FAM120C: variants seen among roughly 807,000 people sequenced by gnomAD.
The protein encoded by FAM120C is family with sequence similarity 120 member C.
FAM120C carries 14 observed loss-of-function variants against 71.2 expected under a neutral mutation model. The ratio of observed to expected loss-of-function variants is 0.20; its 90% CI spans 0.13 to 0.31. FAM120C has a LOEUF of 0.31. FAM120C is among the 10% of genes least tolerant of loss of function. FAM120C has a pLI of 1.00. For missense variants in FAM120C, 500 were observed against 879.0 expected, an observed-to-expected ratio of 0.57 and a Z score of 5.45; for synonymous variants, 354 against 353.2, an observed-to-expected ratio of 1.00 and a Z score of -0.03.
chrX:54,169,718 C>T (rs1227416482), intron 1 of FAM120C, among the ~76,000 whole-genome samples: 2 of 111,572 alleles, frequency 1.8e-5, no homozygotes, highest in Admixed American at 9.6e-5. Flanking sequence ...TAAGAAGATT[C>T]GAGGGCGGGA....
chrX:54,171,989 A>G (rs1557135998), intron 1 of FAM120C: 2 of 112,678 alleles, frequency 1.8e-5, no homozygotes, highest in African/African-American at 3.2e-5. Flanking sequence ...GTGGGAATGT[A>G]ATTCAGGCCA....
chrX:54,132,566 T>A (rs1428385404), intron 9 of FAM120C, 126 bp downstream of exon 9: 1 of 471,267 alleles, frequency 2.1e-6, no homozygotes, highest in Non-Finnish European at 3.5e-6. Context: ...AGTATCAGTA[T>A]GCATTTTGTT....
At chrX:54,141,956 AAAG>A (rs1375475663) in intron 4 of FAM120C, among the ~76,000 whole-genome samples, 9 of 112,248 alleles carry the variant, frequency 8.0e-5, no homozygotes, top group Non-Finnish European at 1.7e-4. Context: ...GAAAAAAATC[AAAG>A]AAGACCTAAA....
chrX:54,135,198 TGC>T, intron 6 of FAM120C, 87 bp from the exon 7 acceptor site: 1 of 904,660 alleles, frequency 1.1e-6, no homozygotes, highest in Non-Finnish European at 1.5e-6. Context: ...CAGTGGATGA[TGC>T]CAGCAGTGGA....
At chrX:54,091,812 A>G (rs2066825724) in intron 10 of FAM120C, among the ~76,000 whole-genome samples, 1 of 111,770 alleles carries the variant, frequency 8.9e-6, no homozygotes. Flanking sequence ...AGGTTGAGCG[A>G]AGAGTATGAT....
intron 15 of FAM120C, among the ~76,000 whole-genome samples, chrX:54,074,481 C>T (rs781962284): frequency 2.1e-4 from 24 of 112,685 alleles, no homozygotes; most frequent in African/African-American, 5.5e-4. Flanking sequence ...TGCAATGGCA[C>T]GAACTCGGCT....
At chrX:54,141,108 A>G (rs2067124162) in intron 4 of FAM120C, among the ~76,000 whole-genome samples, 1 of 111,526 alleles carries the variant, frequency 9.0e-6, no homozygotes, top group Non-Finnish European at 1.9e-5. Context: ...AAGAAATAAC[A>G]CCAATTCTAC....
At chrX:54,179,205 T>C (rs2146655363) in intron 1 of FAM120C, among the ~76,000 whole-genome samples, 1 of 112,352 alleles carries the variant, frequency 8.9e-6, no homozygotes. Flanking sequence ...CAATACACAC[T>C]GGATCTTTTC....
chrX:54,129,126 G>A (rs1311910037), intron 9 of FAM120C, among the ~76,000 whole-genome samples: 10 of 106,372 alleles, frequency 9.4e-5, no homozygotes, highest in African/African-American at 2.7e-4. Context: ...CCTCCCGGAC[G>A]GGGCGGCCGG....
At chrX:54,154,558 G>T (rs1460380231) in intron 3 of FAM120C, among the ~76,000 whole-genome samples, 2 of 103,643 alleles carry the variant, frequency 1.9e-5, no homozygotes, top group Non-Finnish European at 3.9e-5. Context: ...AGTGAGCTGA[G>T]ACTGTGCCAC....
chrX:54,106,090 C>A (rs1273176809), intron 10 of FAM120C, among the ~76,000 whole-genome samples: 9 of 111,544 alleles, frequency 8.1e-5, no homozygotes, highest in Non-Finnish European at 1.7e-4. Flanking sequence ...AAAAAGGAGC[C>A]CTCATAGCCA....
chrX:54,159,660 T>G (rs1557134154), intron 1 of FAM120C, 44 bp from the exon 2 acceptor site: 1 of 1,194,517 alleles, frequency 8.4e-7, no homozygotes, highest in Non-Finnish European at 1.1e-6. Flanking sequence ...GAACCTGATT[T>G]GTATTGTTAG....
At chrX:54,079,811 C>G (rs1489894270) in intron 15 of FAM120C, among the ~76,000 whole-genome samples, 2 of 110,211 alleles carry the variant, frequency 1.8e-5, no homozygotes, top group East Asian at 5.7e-4. Context: ...AAAAAAAAAG[C>G]AGAATGGTAA....
At chrX:54,170,447 T>C (rs1349881940) in intron 1 of FAM120C, among the ~76,000 whole-genome samples, 1 of 111,961 alleles carries the variant, frequency 8.9e-6, no homozygotes, top group African/African-American at 3.2e-5. Context: ...TTTAGTACTC[T>C]TAATTACTCT....
At chrX:54,106,503 A>G (rs2066907624) in intron 10 of FAM120C, among the ~76,000 whole-genome samples, 2 of 112,058 alleles carry the variant, frequency 1.8e-5, no homozygotes, top group South Asian at 7.3e-4. Flanking sequence ...GGCATGGGCA[A>G]GACTTCATGA....
At position 54,157,782 on chromosome X, in the gene FAM120C, C is replaced by T; in HGVS notation, c.947-11G>A. The T allele has an allele frequency of 5.2e-6, 6 of 1,157,842 alleles. No individual in the cohort carries two copies. Among genetic ancestry groups the T allele is most frequent in the South Asian group, 1.8e-5 (1 of 54,488 alleles). On this transcript the variant is annotated splice_polypyrimidine_tract_variant and intron_variant, in intron 2 of 15. Coordinates refer to ENST00000375180, the MANE Select transcript of FAM120C (RefSeq NM_017848.6). ...GGAGGATGTGGTTACCTATAAAGTA[C>T]ATTTGTCATTCATTGACTGTACAAA...
intron 9 of FAM120C, among the ~76,000 whole-genome samples, chrX:54,125,357 G>T (rs2067021564): frequency 2.7e-5 from 3 of 111,189 alleles, no homozygotes; most frequent in Non-Finnish European, 5.7e-5. Context: ...ACAGTGCAGT[G>T]GAGTGATCTC....
intron 2 of FAM120C, 142 bp from the exon 3 acceptor site, chrX:54,157,913 G>A: frequency 2.3e-6 from 1 of 439,532 alleles, no homozygotes; most frequent in Non-Finnish European, 4.0e-6. Flanking sequence ...GTAGTTCTGT[G>A]TTGATCACTT....
chrX:54,157,237 G>A (rs1557133834), intron 3 of FAM120C, among the ~76,000 whole-genome samples: 1 of 110,915 alleles, frequency 9.0e-6, no homozygotes, highest in African/African-American at 3.3e-5. Context: ...TAAGGGTATT[G>A]ATCATAACCA....
Sources: allele counts gnomAD v4.1 joint callset (sites outside exome capture counted in the v4.1 genomes callset), GRCh38; gene constraint gnomAD v4.1.1; transcripts MANE v1.5; gene names NCBI Gene and HGNC (gene_info 2026-07-23, HGNC 2026-07-21).